The following AGBL1 variants were observed in gnomAD, a reference collection of about 807,000 sequenced individuals.
AGBL1 encodes the protein cytosolic carboxypeptidase 4.
Under a neutral mutation model 118.9 loss-of-function variants are expected in AGBL1, and 130 were observed. That is an observed-to-expected ratio of 1.09 (90% CI 0.95 to 1.26). The LOEUF is 1.26. Among genes scored for constraint, AGBL1 ranks in the 50% most tolerant of loss-of-function variants. The probability of loss-of-function intolerance (pLI) is 0.00; values close to 1 mark genes in which losing one functional copy is unlikely to be tolerated. For missense variants in AGBL1, 1,584 were observed against 1,298.1 expected, an observed-to-expected ratio of 1.22 and a Z score of -3.38; for synonymous variants, 555 against 478.9, an observed-to-expected ratio of 1.16 and a Z score of -2.08.
chr15:86,672,000 A>G (rs76929308), intron 21 of AGBL1, among the ~76,000 whole-genome samples: 1,764 of 152,236 alleles, frequency 0.012, 26 homozygotes, highest in East Asian at 0.075. Context: ...TTAGCCCAGG[A>G]GTTCAAGGCT....
At chr15:86,923,813 A>G (rs754527092) in intron 23 of AGBL1, among the ~76,000 whole-genome samples, 1 of 152,152 alleles carries the variant, frequency 6.6e-6, no homozygotes, top group Non-Finnish European at 1.5e-5. Flanking sequence ...GAACTACCTA[A>G]TTGAGGATTA....
intron 5 of AGBL1, among the ~76,000 whole-genome samples, chr15:86,184,414 C>A (rs561101469): frequency 2.0e-5 from 3 of 150,838 alleles, no homozygotes; most frequent in Non-Finnish European, 3.0e-5. Context: ...ACGATCTATT[C>A]CTTATTTCTT....
At chr15:86,930,368 G>T (rs2080590845) in intron 23 of AGBL1, among the ~76,000 whole-genome samples, 1 of 152,092 alleles carries the variant, frequency 6.6e-6, no homozygotes. Context: ...AAATATAAGG[G>T]GTCAGCGTGA....
intron 17 of AGBL1, among the ~76,000 whole-genome samples, chr15:86,343,807 G>A (rs1396214161): frequency 5.9e-5 from 9 of 152,142 alleles, no homozygotes; most frequent in Admixed American, 5.9e-4. Context: ...GTGACCAGCA[G>A]GTCCTGCTGT....
chr15:86,567,634 G>A (rs1021531254), intron 21 of AGBL1, among the ~76,000 whole-genome samples: 2 of 152,176 alleles, frequency 1.3e-5, no homozygotes, highest in Non-Finnish European at 2.9e-5. Flanking sequence ...AACCTTTAGA[G>A]GAATATAATT....
intron 19 of AGBL1, among the ~76,000 whole-genome samples, chr15:86,526,027 G>T (rs1187870342): frequency 6.6e-6 from 1 of 151,918 alleles, no homozygotes; most frequent in Non-Finnish European, 1.5e-5. Flanking sequence ...AGACAAAAAA[G>T]AAATAATGTT....
intron 21 of AGBL1, among the ~76,000 whole-genome samples, chr15:86,661,733 G>T (rs1457719886): frequency 3.3e-5 from 5 of 152,086 alleles, no homozygotes; most frequent in Non-Finnish European, 7.4e-5. Flanking sequence ...GAGATAGGGA[G>T]CTGGGAGATG....
In AGBL1 at chr15:86,562,751, T is replaced by C. The variant is rs528061310; in HGVS notation, c.2994+8214T>C. On this transcript the variant is annotated intron_variant, in intron 21 of 22. Coordinates refer to ENST00000614907, the MANE Select transcript of AGBL1 (RefSeq NM_001386094.1). ...TCCTCCTTGTACCTCTGGTAGAATT[T>C]GGCTGTGAATCCGTCTGGTCCTGGA... Among the ~76,000 whole-genome samples, 800 of 152,264 alleles carry C rather than the reference T, an allele frequency of 5.3e-3. 24 individuals carry two copies. The highest frequency in any genetic ancestry group is 7.0e-3 in the Non-Finnish European group (474 of 68,014).
chr15:86,726,131 A>G (rs2086815095), intron 22 of AGBL1, among the ~76,000 whole-genome samples: 1 of 152,214 alleles, frequency 6.6e-6, no homozygotes, highest in African/African-American at 2.4e-5. Context: ...AAGACTTTTG[A>G]ATATACATTA....
intron 21 of AGBL1, among the ~76,000 whole-genome samples, chr15:86,646,741 T>A (rs2085285525): frequency 6.6e-6 from 1 of 152,230 alleles, no homozygotes; most frequent in African/African-American, 2.4e-5. Flanking sequence ...GTCAGTCCTA[T>A]GACCTTGATC....
chr15:86,311,338 C>T lies in AGBL1; in HGVS notation c.2374+15930C>T, dbSNP rs139303121. Among the ~76,000 whole-genome samples the T allele has an allele frequency of 9.2e-3, 1,400 of 152,258 alleles. 23 individuals carry two copies. The highest frequency in any genetic ancestry group is 0.032 in the African/African-American group (1,325 of 41,542). On this transcript the variant is annotated intron_variant, in intron 17 of 22. Coordinates refer to ENST00000614907, the MANE Select transcript of AGBL1 (RefSeq NM_001386094.1). The stretch of plus-strand genomic sequence containing the variant: ...ATCTTTCTACTTTACATGCTACTTT[C>T]TTCCATTAGAAAGAAAAATGAAAGT...
chr15:86,395,786 A>T (rs2081351863), intron 17 of AGBL1, among the ~76,000 whole-genome samples: 1 of 148,620 alleles, frequency 6.7e-6, no homozygotes, highest in African/African-American at 2.5e-5. Flanking sequence ...TTTAGGTTTT[A>T]TTTTTTTTTT....
chr15:86,616,859 G>A (rs2084734706), intron 21 of AGBL1, among the ~76,000 whole-genome samples: 1 of 152,056 alleles, frequency 6.6e-6, no homozygotes, highest in African/African-American at 2.4e-5. Flanking sequence ...AAACTGAAAG[G>A]GCTAGTCCTA....
Position 86,435,507 on chromosome 15 carries a change from C to G in AGBL1, c.2555+37961C>G, listed in dbSNP as rs146808738. On this transcript the variant is annotated intron_variant, in intron 18 of 22. Transcript: ENST00000614907. ...AGCCATGAAAGGTGCTCCATTTAGG[C>G]TAATTTTAAAAGAATAATCTCCATG... Among the ~76,000 whole-genome samples, 258 of 152,216 alleles carry G rather than the reference C, an allele frequency of 1.7e-3. 1 individual carries two copies. Among genetic ancestry groups the G allele is most frequent in the African/African-American group, 5.9e-3 (247 of 41,522 alleles).
chr15:86,700,310 T>C (rs2086333911), intron 22 of AGBL1, among the ~76,000 whole-genome samples: 1 of 152,064 alleles, frequency 6.6e-6, no homozygotes, highest in Non-Finnish European at 1.5e-5. Context: ...AGCAAGTCTT[T>C]ATTTTCTGGC....
intron 22 of AGBL1, among the ~76,000 whole-genome samples, chr15:86,711,633 A>G (rs2086558600): frequency 6.6e-6 from 1 of 152,180 alleles, no homozygotes; most frequent in Non-Finnish European, 1.5e-5. Flanking sequence ...TTAATAGGTC[A>G]TGGCAAAGAA....
intron 6 of AGBL1, among the ~76,000 whole-genome samples, chr15:86,243,268 C>T (rs957253831): frequency 6.6e-6 from 1 of 152,156 alleles, no homozygotes; most frequent in Admixed American, 6.5e-5. Flanking sequence ...TTCTTGTTAC[C>T]TTGGCATATT....
At chr15:86,463,386 G>A (rs1173696496) in intron 18 of AGBL1, among the ~76,000 whole-genome samples, 1 of 151,642 alleles carries the variant, frequency 6.6e-6, no homozygotes, top group African/African-American at 2.4e-5. Flanking sequence ...CCATTCTGTA[G>A]GTTGCCTGTT....
intron 17 of AGBL1, among the ~76,000 whole-genome samples, chr15:86,313,276 T>A (rs2079947766): frequency 6.6e-6 from 1 of 152,190 alleles, no homozygotes; most frequent in African/African-American, 2.4e-5. Context: ...TTTAGGTATA[T>A]AATGTAGTCT....
Sources: allele counts gnomAD v4.1 joint callset (sites outside exome capture counted in the v4.1 genomes callset), GRCh38; gene constraint gnomAD v4.1.1; transcripts MANE v1.5; gene names NCBI Gene and HGNC (gene_info 2026-07-23, HGNC 2026-07-21).